PTPRT: variants seen among roughly 807,000 people sequenced by gnomAD.
The protein encoded by PTPRT is receptor-type tyrosine-protein phosphatase T.
Under a neutral mutation model 176.8 loss-of-function variants are expected in PTPRT, and 56 were observed. That is an observed-to-expected ratio of 0.32 (90% CI 0.26 to 0.40). The LOEUF is 0.40. Ranked by LOEUF, PTPRT falls within the 10% of genes least tolerant of loss-of-function variation. The pLI is 1.00. For missense variants in PTPRT, 1,540 were observed against 1,908.2 expected, an observed-to-expected ratio of 0.81 and a Z score of 3.60; for synonymous variants, 783 against 739.0, an observed-to-expected ratio of 1.06 and a Z score of -0.96.
Position 42,924,241 on chromosome 20 carries a change from T to TA in PTPRT, c.89-38310_89-38309insT, listed in dbSNP as rs531665669. Among the ~76,000 whole-genome samples the TA allele has an allele frequency of 4.6e-3, 707 of 152,122 alleles. 6 individuals are homozygous for TA. Among genetic ancestry groups the TA allele is most frequent in the African/African-American group, 0.017 (687 of 41,456 alleles). On this transcript the variant is annotated intron_variant, in intron 1 of 30. Coordinates refer to ENST00000373187, the MANE Select transcript of PTPRT (RefSeq NM_007050.6). ...ATAACCTGCCTTTTAACCCTTCCAT[T>TA]TAAAAAAAAAATTATAGCATGTGCT... is the stretch of plus-strand genomic sequence containing the variant.
intron 11 of PTPRT, among the ~76,000 whole-genome samples, chr20:42,321,954 T>A (rs56084371): frequency 0.24 from 36,418 of 151,974 alleles, 4,698 homozygotes; most frequent in African/African-American, 0.32. Flanking sequence ...GCGCCTGTAG[T>A]CCCAGCTTCT....
At chr20:43,103,772 T>TAATAATAATAAC (rs1435622032) in intron 1 of PTPRT, among the ~76,000 whole-genome samples, 1 of 150,454 alleles carries the variant, frequency 6.6e-6, no homozygotes, top group Non-Finnish European at 1.5e-5. Flanking sequence ...ATAATAATAA[T>TAATAATAATAAC]AATAACTAAA....
rs1190507489 is a variant in PTPRT at position 42,115,190 on chromosome 20, G to A, written c.3099+9C>T. 5 of 1,606,250 alleles carry A rather than the reference G, an allele frequency of 3.1e-6. No individual in the cohort carries two copies. In the Admixed American group the frequency reaches 5.0e-5, roughly 16 times the overall value. On this transcript the variant is annotated intron_variant, in intron 22 of 30. Coordinates refer to ENST00000373187, the MANE Select transcript of PTPRT (RefSeq NM_007050.6). ...TGGACCGGCTGCCCACAGCCTCCAA[G>A]AAGCTTACCTTCTGGACTGTGAAGG...
chr20:42,032,664 C>T, the PTPRT span, among the ~76,000 whole-genome samples: 1 of 152,186 alleles, frequency 6.6e-6, no homozygotes, highest in African/African-American at 2.4e-5. Context: ...CAGACTCTCT[C>T]TAATGAATGT....
intron 27 of PTPRT, among the ~76,000 whole-genome samples, chr20:42,095,201 C>T (rs191255150): frequency 4.2e-4 from 64 of 152,332 alleles, no homozygotes; most frequent in Non-Finnish European, 1.5e-4. Flanking sequence ...CCCATCCTTG[C>T]ACCAACAATC....
intron 14 of PTPRT, among the ~76,000 whole-genome samples, chr20:42,247,063 A>C (rs1374254552): frequency 6.6e-6 from 1 of 152,222 alleles, no homozygotes; most frequent in Non-Finnish European, 1.5e-5. Flanking sequence ...TGTTGACCTT[A>C]ACCCTTTGAG....
intron 12 of PTPRT, among the ~76,000 whole-genome samples, chr20:42,286,471 A>G (rs1233938898): frequency 6.6e-6 from 1 of 151,974 alleles, no homozygotes; most frequent in Non-Finnish European, 1.5e-5. Flanking sequence ...CACCAAGAAC[A>G]CTCACTGGGG....
rs907873537 is a variant in PTPRT at position 42,073,086 on chromosome 20, G to T, written c.*7793C>A. The T allele has an allele frequency of 9.4e-6, 2 of 213,574 alleles. No homozygotes were observed. Among genetic ancestry groups the T allele is most frequent in the African/African-American group, 2.3e-5 (1 of 44,230 alleles). The allele number at this position is 213,574 out of a possible 1,614,324, so 13.2% of individuals were successfully genotyped here. On this transcript the variant is annotated 3_prime_UTR_variant, in exon 31 of 31. Transcript: ENST00000373187. ...AAACACCCAAACTGTACAAGTGCAG[G>T]CCATTGGGATTCATGGAGGAGGCTG...
chr20:42,423,747 T>C (rs1196231681), intron 9 of PTPRT, among the ~76,000 whole-genome samples: 2 of 152,252 alleles, frequency 1.3e-5, no homozygotes, highest in African/African-American at 4.8e-5. Flanking sequence ...TTAGAGGCTA[T>C]GTGAATGTCA....
intron 15 of PTPRT, among the ~76,000 whole-genome samples, chr20:42,213,210 C>A (rs922897043): frequency 1.2e-5 from 1 of 82,672 alleles, no homozygotes; most frequent in African/African-American, 3.2e-5. Flanking sequence ...CCAAGCAATT[C>A]TACTGCATGC....
At chr20:42,611,422 G>A (rs1049331945) in intron 7 of PTPRT, among the ~76,000 whole-genome samples, 1 of 152,122 alleles carries the variant, frequency 6.6e-6, no homozygotes, top group African/African-American at 2.4e-5. Context: ...TGCCATAAGG[G>A]CAGGCACTAC....
intron 2 of PTPRT, among the ~76,000 whole-genome samples, chr20:42,816,691 C>A (rs748573475): frequency 5.9e-5 from 9 of 152,160 alleles, no homozygotes; most frequent in Non-Finnish European, 1.0e-4. Context: ...GTGCCTGCTT[C>A]CCCCTCGCCT....
At chr20:42,912,910 G>C (rs1176417604) in intron 1 of PTPRT, among the ~76,000 whole-genome samples, 1 of 152,064 alleles carries the variant, frequency 6.6e-6, no homozygotes. Flanking sequence ...TAATTATTAT[G>C]GATCTGAACA....
chr20:42,664,549 G>A (rs1285795683), intron 7 of PTPRT, among the ~76,000 whole-genome samples: 1 of 152,004 alleles, frequency 6.6e-6, no homozygotes, highest in South Asian at 2.1e-4. Context: ...GGTAATATAT[G>A]CAATAAATTC....
At chr20:42,957,782 T>C (rs1053414443) in intron 1 of PTPRT, among the ~76,000 whole-genome samples, 1 of 152,220 alleles carries the variant, frequency 6.6e-6, no homozygotes, top group African/African-American at 2.4e-5. Flanking sequence ...CATTAATTAA[T>C]TTTTTATTCA....
chr20:43,127,199 G>A (rs796065432), intron 1 of PTPRT, among the ~76,000 whole-genome samples: 6 of 152,144 alleles, frequency 3.9e-5, no homozygotes, highest in African/African-American at 7.2e-5. Flanking sequence ...AAAGGCGGGC[G>A]GATCACAAGG....
At chr20:42,840,653 T>A (rs1336207711) in intron 2 of PTPRT, among the ~76,000 whole-genome samples, 3 of 152,202 alleles carry the variant, frequency 2.0e-5, no homozygotes, top group Non-Finnish European at 4.4e-5. Context: ...CCTCAAGTGA[T>A]CTGCCCATCT....
intron 13 of PTPRT, among the ~76,000 whole-genome samples, chr20:42,257,504 G>A (rs932217533): frequency 6.6e-6 from 1 of 152,070 alleles, no homozygotes; most frequent in Non-Finnish European, 1.5e-5. Flanking sequence ...GTAACCTCCA[G>A]TGTTGGAGGT....
intron 2 of PTPRT, among the ~76,000 whole-genome samples, chr20:42,880,440 G>C (rs1378068432): frequency 3.3e-5 from 5 of 152,194 alleles, no homozygotes; most frequent in African/African-American, 9.7e-5. Context: ...ATGTTTAAAA[G>C]AATGTCCTAC....
Sources: gnomAD v4.1 joint callset for allele counts (sites outside exome capture counted in the v4.1 genomes callset) on GRCh38, gnomAD v4.1.1 for gene constraint, MANE v1.5 for transcripts, NCBI Gene and HGNC (gene_info 2026-07-23, HGNC 2026-07-21) for gene names.